The following CDK7 variants were observed in gnomAD, a reference collection of about 807,000 sequenced individuals.
CDK7 encodes the protein cyclin-dependent kinase 7.
CDK7 carries 25 observed loss-of-function variants against 49.1 expected under a neutral mutation model. The ratio of observed to expected loss-of-function variants is 0.51; its 90% confidence interval spans 0.37 to 0.71. CDK7 has a LOEUF of 0.71. Among genes scored for constraint, CDK7 ranks in the 30% least tolerant of loss-of-function variants. CDK7 has a pLI of 0.00. For missense variants in CDK7, 316 were observed against 411.7 expected (o/e 0.77, Z 2.01); for synonymous variants, 107 against 140.0 (o/e 0.76, Z 1.67).
chr5:69,243,826 GTTTTTT>G (rs747576681), intron 2 of CDK7, among the ~76,000 whole-genome samples: 1,169 of 66,300 alleles, frequency 0.018, 10 homozygotes, highest in African/African-American at 0.062. Context: ...AATGATAGTT[GTTTTTT>G]TTTTTTTTTT....
At chr5:69,275,935 C>T (rs1052020313) in intron 10 of CDK7, among the ~76,000 whole-genome samples, 1 of 152,176 alleles carries the variant, frequency 6.6e-6, no homozygotes, top group Non-Finnish European at 1.5e-5. Context: ...TTCCACAGTC[C>T]AAAATCTGAA....
intron 9 of CDK7, among the ~76,000 whole-genome samples, chr5:69,271,937 T>G (rs891634790): frequency 6.6e-6 from 1 of 151,968 alleles, no homozygotes; most frequent in South Asian, 2.1e-4. Flanking sequence ...TTTTGTTTTT[T>G]TTTTTCTTTG....
At chr5:69,239,013 A>C (rs1051322739) in intron 2 of CDK7, among the ~76,000 whole-genome samples, 6 of 152,134 alleles carry the variant, frequency 3.9e-5, no homozygotes, top group Admixed American at 6.6e-5. Flanking sequence ...ATAAACATTT[A>C]GGCTGCTTTT....
intron 10 of CDK7, among the ~76,000 whole-genome samples, chr5:69,276,052 C>T (rs888423786): frequency 5.3e-5 from 8 of 151,734 alleles, no homozygotes; most frequent in East Asian, 3.9e-4. Context: ...TTTTTTGATA[C>T]GGAGCCTTGC....
intron 8 of CDK7, among the ~76,000 whole-genome samples, chr5:69,264,295 T>C (rs1263448992): frequency 6.6e-6 from 1 of 152,156 alleles, no homozygotes; most frequent in Non-Finnish European, 1.5e-5. Flanking sequence ...ACACTTGAAC[T>C]ATTAAAAATA....
intron 8 of CDK7, among the ~76,000 whole-genome samples, chr5:69,265,149 C>T (rs969894972): frequency 1.3e-5 from 2 of 151,804 alleles, no homozygotes; most frequent in African/African-American, 2.4e-5. Context: ...CCTGTAGTTC[C>T]AGCTACTCGG....
intron 8 of CDK7, among the ~76,000 whole-genome samples, chr5:69,264,883 T>C (rs1474965922): frequency 6.6e-6 from 1 of 151,854 alleles, no homozygotes; most frequent in Admixed American, 6.6e-5. Context: ...GGCAGGAGAA[T>C]CGCTTGAACC....
chr5:69,237,740 C>G (rs758013360), intron 2 of CDK7, among the ~76,000 whole-genome samples: 4 of 152,082 alleles, frequency 2.6e-5, no homozygotes, highest in Non-Finnish European at 4.4e-5. Flanking sequence ...CACCTGAGGT[C>G]AGGAGTTCAA....
At chr5:69,246,634 C>T (rs1246725635) in intron 2 of CDK7, among the ~76,000 whole-genome samples, 1 of 150,010 alleles carries the variant, frequency 6.7e-6, no homozygotes, top group South Asian at 2.1e-4. Flanking sequence ...TTTCTTCTAA[C>T]TTTGGGATTG....
At chr5:69,259,775 C>T (rs760988871) in intron 6 of CDK7, 43 bp from the exon 7 acceptor site, 2 of 1,280,442 alleles carry the variant, frequency 1.6e-6, no homozygotes, top group Non-Finnish European at 2.3e-6. Context: ...CAGTGTTCTC[C>T]CCTACCCTGC....
chr5:69,267,460 G>A (rs533483958), intron 8 of CDK7, among the ~76,000 whole-genome samples: 3 of 151,500 alleles, frequency 2.0e-5, no homozygotes, highest in Admixed American at 6.6e-5. Flanking sequence ...CATGACACCC[G>A]CCTAGTTTTT....
chr5:69,256,180 C>T lies in CDK7; in HGVS notation c.297+652C>T, dbSNP rs145144372. Among the ~76,000 whole-genome samples, 522 of 151,612 alleles carry T rather than the reference C, an allele frequency of 3.4e-3. 1 individual carries two copies. The highest frequency in any genetic ancestry group is 0.012 in the African/African-American group (489 of 41,390). ...CAGTGACTCACGCCTGTAATCTCAGCACTTTGAGAGGCCAAGGCAAGAGGA... is the reference window on the plus strand; with the variant it reads ...CAGTGACTCACGCCTGTAATCTCAGTACTTTGAGAGGCCAAGGCAAGAGGA... On this transcript the variant is annotated intron_variant, in intron 5 of 11. Coordinates refer to ENST00000256443, the MANE Select transcript of CDK7 (RefSeq NM_001799.4).
rs192202744 is a variant in CDK7 at position 69,242,709 on chromosome 5, C to T, written c.126+7256C>T. ...TAAACTGAATTTCTCCCATAGTTAG[C>T]ATTGCCAACACTCAGGAATGAGCAA... On this transcript the variant is annotated intron_variant, in intron 2 of 11. Transcript: ENST00000256443. Among the ~76,000 whole-genome samples the T allele has an allele frequency of 2.4e-3, 361 of 152,218 alleles. 1 individual carries two copies. Among genetic ancestry groups the T allele is most frequent in the Non-Finnish European group, 4.3e-3 (293 of 68,010 alleles).
At position 69,235,038 on chromosome 5, in the gene CDK7, A is replaced by G. The variant is rs775019182; in HGVS notation, c.63A>G (p.Gly21=). The change falls in exon 1 of 12, where the codon GGA becomes GGG. Residue 21 remains glycine (G), a synonymous_variant. Coordinates refer to ENST00000256443, the MANE Select transcript of CDK7 (RefSeq NM_001799.4). ...RYEKLDFLGE[G]QFATVYKARD... ...AGAAGCTGGACTTCCTTGGGGAGGG[A>G]CAGGTGAGGCTCTCTGGAAGGACGG... 5.0e-6 allele frequency: 8 copies of G among 1,601,204 alleles called. No individual in the cohort carries two copies. The highest frequency in any genetic ancestry group is 6.8e-6 in the Non-Finnish European group (8 of 1,174,256).
At chr5:69,267,292 C>CTTTTTTT (rs71612523) in intron 8 of CDK7, among the ~76,000 whole-genome samples, 3 of 91,096 alleles carry the variant, frequency 3.3e-5, no homozygotes, top group Admixed American at 1.5e-4. Context: ...ATAAGGATTC[C>CTTTTTTT]TTTTTTTTTT....
intron 2 of CDK7, 106 bp from the exon 3 acceptor site, chr5:69,252,311 GT>G (rs928068342): frequency 6.6e-5 from 47 of 709,926 alleles, no homozygotes; most frequent in Middle Eastern, 2.7e-4. Context: ...GTTGCTAATT[GT>G]TTTTTTTTCT....
At chr5:69,263,339 CT>C (rs1442519979) in intron 8 of CDK7, among the ~76,000 whole-genome samples, 1 of 152,142 alleles carries the variant, frequency 6.6e-6, no homozygotes, top group Non-Finnish European at 1.5e-5. Context: ...GATTGAATAG[CT>C]TTTTTATCTC....
chr5:69,259,172 G>T (rs1375298142), intron 6 of CDK7, among the ~76,000 whole-genome samples: 1 of 151,988 alleles, frequency 6.6e-6, no homozygotes. Flanking sequence ...GATGGTCTTG[G>T]ATTAACTCAT....
At chr5:69,236,882 C>T (rs372770201) in intron 2 of CDK7, among the ~76,000 whole-genome samples, 1 of 151,050 alleles carries the variant, frequency 6.6e-6, no homozygotes, top group African/African-American at 2.4e-5. Flanking sequence ...GAACTCCTGA[C>T]CTCAGTTGAT....
Sources: gnomAD v4.1 joint callset for allele counts (sites outside exome capture counted in the v4.1 genomes callset) on GRCh38, gnomAD v4.1.1 for gene constraint, MANE v1.5 for transcripts, NCBI Gene and HGNC (gene_info 2026-07-23, HGNC 2026-07-21) for gene names.